Variants in WDR82 observed in about 807,000 individuals in gnomAD.
The protein encoded by WDR82 is WD repeat domain 82.
A neutral mutation model predicts 36.1 loss-of-function variants in WDR82; 8 were observed. The observed-to-expected ratio is 0.22, with a 90% CI of 0.13 to 0.40. The LOEUF (loss-of-function observed/expected upper bound fraction) is 0.40, where lower values mean the gene tolerates loss of function less well. Ranked by LOEUF, WDR82 falls within the 10% of genes least tolerant of loss-of-function variation. The pLI, the probability that WDR82 is intolerant of heterozygous loss-of-function variation, is 1.00. For synonymous variants in WDR82, 129 were observed against 137.8 expected (o/e 0.94, Z 0.45); for missense variants, 185 against 400.5 (o/e 0.46, Z 4.59).
chr3:52,259,638 T>C (rs1578004941), intron 6 of WDR82, 79 bp downstream of exon 6: 2 of 1,489,424 alleles, frequency 1.3e-6, no homozygotes, highest in East Asian at 4.6e-5. Context: ...ACTGTTGGTC[T>C]CCACCAACCA....
At chr3:52,258,198 C>T (rs1037298352) in intron 8 of WDR82, among the ~76,000 whole-genome samples, 1 of 152,100 alleles carries the variant, frequency 6.6e-6, no homozygotes, top group African/African-American at 2.4e-5. Flanking sequence ...CACAAAAGGC[C>T]GGTTCAGAGT....
chr3:52,273,722 G>A (rs1036030646), intron 1 of WDR82, among the ~76,000 whole-genome samples: 4 of 152,188 alleles, frequency 2.6e-5, no homozygotes, highest in African/African-American at 9.7e-5. Flanking sequence ...CCCGGTTCAA[G>A]CAATTCTCCC....
intron 6 of WDR82, 82 bp downstream of exon 6, chr3:52,259,635 G>A (rs766787786): frequency 2.4e-5 from 36 of 1,497,112 alleles, no homozygotes; most frequent in Middle Eastern, 1.9e-4. Flanking sequence ...GTAACTGTTG[G>A]TCTCCACCAA....
chr3:52,261,403 C>A lies in WDR82; in HGVS notation c.403G>T (p.Asp135Tyr). 1 of 1,612,070 alleles carries A rather than the reference C, an allele frequency of 6.2e-7. No individual in the cohort carries two copies. Among genetic ancestry groups the A allele is most frequent in the Non-Finnish European group, 8.5e-7 (1 of 1,179,360 alleles). ...ACCTGGCAGTTAGGAGACCGGAGATCCCAGAGTCGAATGGTCTTATCAAGA... is the reference window on the plus strand; with the variant it reads ...ACCTGGCAGTTAGGAGACCGGAGATACCAGAGTCGAATGGTCTTATCAAGA... ...GSLDKTIRLW[D>Y]LRSPNCQGLM... Residue 135 changes from aspartate to tyrosine, a missense_variant, in exon 4 of 9, where the codon GAT becomes TAT. Asp to Tyr is a radical substitution (Grantham distance 160, BLOSUM62 -3). This residue lies in a region of WDR82 where 26 missense variants were observed against 107.4 expected (regional missense o/e 0.24). Coordinates refer to ENST00000296490, the MANE Select transcript of WDR82 (RefSeq NM_025222.4).
At position 52,258,538 on chromosome 3, in the gene WDR82, T is replaced by C; in HGVS notation, c.910A>G (p.Met304Val). ...GATACCTCTTACTGTTCACATACCA[T>C]GTTGGAACACGCACTGGCAAAAGTC... Reference protein sequence around the residue: ...FMTFASACSNMAFWLPTIDD With the variant: ...FMTFASACSNVAFWLPTIDD Residue 304 changes from methionine (M) to valine (V), a missense_variant and splice_region_variant, in exon 8 of 9, where the codon ATG becomes GTG. Coordinates refer to ENST00000296490, the MANE Select transcript of WDR82 (RefSeq NM_025222.4). 4.3e-6 allele frequency: 7 copies of C among 1,613,634 alleles called. No homozygotes were observed. Among genetic ancestry groups the C allele is most frequent in the East Asian group, 2.2e-5 (1 of 44,882 alleles).
rs768031256 is a variant in WDR82, at chr3:52,259,667, A to G, written c.699+50T>C. 1.9e-6 allele frequency: 3 copies of G among 1,575,108 alleles called. No individual in the cohort carries two copies. In the African/African-American group the frequency reaches 4.1e-5, roughly 21 times the overall value. On this transcript the variant is annotated intron_variant, in intron 6 of 8. Coordinates refer to ENST00000296490, the MANE Select transcript of WDR82 (RefSeq NM_025222.4). ...CCAACCAGCTAACATAATTCTTAGC[A>G]TAGGAAGTATGAGCATGGAAACAGC... is the stretch of plus-strand genomic sequence containing the variant.
At chr3:52,260,537 A>G in intron 4 of WDR82, 36 bp from the exon 5 acceptor site, 1 of 1,413,880 alleles carries the variant, frequency 7.1e-7, no homozygotes, top group Non-Finnish European at 9.6e-7. Context: ...ACTAAAACAC[A>G]CATGCCACAA....
chr3:52,257,214 CGT>C lies in WDR82; in HGVS notation c.*274_*275del, dbSNP rs780053674. 2 of 516,364 alleles carry C rather than the reference CGT, an allele frequency of 3.9e-6. No individual in the cohort carries two copies. The highest frequency in any genetic ancestry group is 6.9e-6 in the Non-Finnish European group (2 of 288,776). The allele number at this position is 516,364 out of a possible 1,614,324, so 32.0% of individuals were successfully genotyped here. Reference sequence around the variant, plus strand: ...GCTTGAGAGCCCCACTATACCAAATCGTGAGTCTGGTCACTCCTCCAGCAGAG... The same window carrying C: ...GCTTGAGAGCCCCACTATACCAAATCGAGTCTGGTCACTCCTCCAGCAGAG... On this transcript the variant is annotated 3_prime_UTR_variant, in exon 9 of 9. Coordinates refer to ENST00000296490, the MANE Select transcript of WDR82 (RefSeq NM_025222.4).
intron 4 of WDR82, 85 bp from the exon 5 acceptor site, chr3:52,260,586 GA>G (rs972061417): frequency 5.9e-4 from 494 of 840,344 alleles, no homozygotes; most frequent in South Asian, 1.0e-3. Flanking sequence ...GTACAATGGG[GA>G]AAAAAAAATG....
At chr3:52,276,248 A>AC (rs1280838636) in intron 1 of WDR82, among the ~76,000 whole-genome samples, 14 of 152,162 alleles carry the variant, frequency 9.2e-5, no homozygotes, top group Admixed American at 6.5e-5. Context: ...AGTCTGGTCA[A>AC]CATGGTGAAA....
intron 5 of WDR82, among the ~76,000 whole-genome samples, 187 bp from the exon 6 acceptor site, chr3:52,260,059 G>A (rs575277100): frequency 2.0e-5 from 3 of 152,094 alleles, no homozygotes; most frequent in Non-Finnish European, 2.9e-5. Context: ...GGCCGGGCGC[G>A]GTGGCTCACG....
intron 3 of WDR82, among the ~76,000 whole-genome samples, chr3:52,265,664 CT>C (rs1700099489): frequency 6.7e-6 from 1 of 149,136 alleles, no homozygotes; most frequent in Non-Finnish European, 1.5e-5. Flanking sequence ...CAGCCTCTGT[CT>C]CGCGGGTTCA....
At chr3:52,259,905 T>C (rs756850184) in intron 5 of WDR82, 33 bp from the exon 6 acceptor site, 5 of 1,586,312 alleles carry the variant, frequency 3.2e-6, no homozygotes, top group Middle Eastern at 1.7e-4. Context: ...GCCCCAGGCA[T>C]ATTAATAATT....
chr3:52,275,366 C>T (rs1261662447), intron 1 of WDR82, among the ~76,000 whole-genome samples: 3 of 152,128 alleles, frequency 2.0e-5, no homozygotes, highest in Non-Finnish European at 4.4e-5. Flanking sequence ...TTGTCTAATA[C>T]CCAAAGAAGT....
At chr3:52,269,364 A>G (rs181279715) in intron 2 of WDR82, among the ~76,000 whole-genome samples, 28 of 152,290 alleles carry the variant, frequency 1.8e-4, no homozygotes, top group African/African-American at 6.7e-4. Flanking sequence ...AATACCAGCT[A>G]CTTGGGAGGC....
At chr3:52,270,066 A>C (rs1201698765) in intron 2 of WDR82, among the ~76,000 whole-genome samples, 3 of 152,184 alleles carry the variant, frequency 2.0e-5, no homozygotes, top group African/African-American at 7.2e-5. Context: ...TAAAAGAAAA[A>C]GTCCTGTTGT....
At chr3:52,277,319 C>G (rs530046346) in intron 1 of WDR82, among the ~76,000 whole-genome samples, 105 of 151,604 alleles carry the variant, frequency 6.9e-4, no homozygotes, top group African/African-American at 2.5e-3. Context: ...TTAGATTTTG[C>G]GAAAAGATGC....
intron 1 of WDR82, among the ~76,000 whole-genome samples, chr3:52,277,892 C>G (rs572168790): frequency 1.3e-5 from 2 of 152,232 alleles, no homozygotes; most frequent in Admixed American, 1.3e-4. Flanking sequence ...CCTGGTGGGC[C>G]CAGGGTGGGC....
rs1700225115 is a variant in WDR82, at chr3:52,278,242, G to A, written c.120C>T (p.Ser40=). Residue 40 remains serine (S), a synonymous_variant, in exon 1 of 9, where the codon AGC becomes AGT. Coordinates refer to ENST00000296490, the MANE Select transcript of WDR82 (RefSeq NM_025222.4). ...SPNGETVISS[S]DDDSIVLYDC... ...CATAGAGCACGATGGAGTCGTCGTC[G>A]CTACTCGAGATGACCGTCTCGCCGT... The A allele has an allele frequency of 1.9e-6, 3 of 1,608,132 alleles. No individual in the cohort carries two copies. The highest frequency in any genetic ancestry group is 2.3e-5 in the East Asian group (1 of 43,898).
Sources: allele counts gnomAD v4.1 joint callset (sites outside exome capture counted in the v4.1 genomes callset), GRCh38; gene constraint gnomAD v4.1.1; regional missense constraint gnomAD v4.1.1; transcripts MANE v1.5; gene names NCBI Gene and HGNC (gene_info 2026-07-23, HGNC 2026-07-21).